Variants in ERC2 observed in about 807,000 individuals in gnomAD.
The protein encoded by ERC2 is ERC protein 2.
ERC2 carries 42 observed loss-of-function variants against 114.8 expected under a neutral mutation model. That is an observed-to-expected ratio of 0.37 (90% CI 0.29 to 0.47). ERC2 has a LOEUF of 0.47. ERC2 is among the 20% of genes least tolerant of loss of function. ERC2 has a pLI of 0.99. For synonymous variants in ERC2, 454 were observed against 425.5 expected (o/e 1.07, Z -0.82); for missense variants, 939 against 1,150.7 (o/e 0.82, Z 2.66).
chr3:56,126,035 A>G (rs1168754256), intron 6 of ERC2, among the ~76,000 whole-genome samples: 1 of 152,204 alleles, frequency 6.6e-6, no homozygotes, highest in African/African-American at 2.4e-5. Flanking sequence ...ACAAGTATCC[A>G]CTTAGGGCTA....
At chr3:55,696,884 T>TA (rs1285759535) in intron 16 of ERC2, among the ~76,000 whole-genome samples, 1 of 152,124 alleles carries the variant, frequency 6.6e-6, no homozygotes, top group Non-Finnish European at 1.5e-5. Flanking sequence ...CTTCTCTAAT[T>TA]AAAAAAGTCT....
At chr3:56,433,415 G>A (rs775651013) in intron 2 of ERC2, among the ~76,000 whole-genome samples, 1 of 152,242 alleles carries the variant, frequency 6.6e-6, no homozygotes, top group Non-Finnish European at 1.5e-5. Flanking sequence ...GGAAAAGCAG[G>A]TGCTGAGAAG....
intron 17 of ERC2, among the ~76,000 whole-genome samples, chr3:55,557,365 G>A (rs891038063): frequency 1.3e-5 from 2 of 152,190 alleles, no homozygotes; most frequent in African/African-American, 4.8e-5. Context: ...GCAGGGTCCT[G>A]GCCAGGGCCC....
At chr3:56,149,196 A>G in intron 4 of ERC2, 64 bp from the exon 5 acceptor site, 1 of 1,453,902 alleles carries the variant, frequency 6.9e-7, no homozygotes, top group Non-Finnish European at 9.3e-7. Context: ...AGATCATCAA[A>G]ACAGAATTTA....
chr3:56,006,200 A>G (rs895283361), intron 10 of ERC2, among the ~76,000 whole-genome samples: 1 of 152,076 alleles, frequency 6.6e-6, no homozygotes, highest in Non-Finnish European at 1.5e-5. Flanking sequence ...AATACCATAT[A>G]GTAACATTTC....
At chr3:56,273,183 G>A (rs1433124196) in intron 3 of ERC2, among the ~76,000 whole-genome samples, 3 of 151,996 alleles carry the variant, frequency 2.0e-5, no homozygotes, top group Admixed American at 6.6e-5. Context: ...TGGGAAGTAC[G>A]GCAGCATGAA....
intron 3 of ERC2, among the ~76,000 whole-genome samples, chr3:56,269,869 G>A (rs2053545972): frequency 6.6e-6 from 1 of 152,162 alleles, no homozygotes; most frequent in Non-Finnish European, 1.5e-5. Context: ...GACACTTAAA[G>A]GGTGAGGCTC....
At chr3:56,366,138 G>GT (rs1260538249) in intron 2 of ERC2, among the ~76,000 whole-genome samples, 2 of 152,156 alleles carry the variant, frequency 1.3e-5, no homozygotes, top group African/African-American at 4.8e-5. Flanking sequence ...AACCAATCAT[G>GT]TAAGATACTC....
chr3:55,878,341 T>TTG (rs1181716560), intron 14 of ERC2, among the ~76,000 whole-genome samples: 4 of 152,186 alleles, frequency 2.6e-5, no homozygotes. Flanking sequence ...TTATTTTGTT[T>TTG]TAAGATAAGG....
chr3:55,548,019 T>C (rs1052212742), intron 17 of ERC2, among the ~76,000 whole-genome samples: 2 of 152,216 alleles, frequency 1.3e-5, no homozygotes, highest in East Asian at 3.9e-4. Flanking sequence ...GAGTTGAAGA[T>C]GCCTGATGAG....
At chr3:55,940,437 G>A (rs1267352105) in intron 13 of ERC2, among the ~76,000 whole-genome samples, 1 of 151,980 alleles carries the variant, frequency 6.6e-6, no homozygotes, top group African/African-American at 2.4e-5. Flanking sequence ...CCTTCCAGAA[G>A]CTTCTGTTCT....
At chr3:56,087,979 C>G (rs1413744382) in intron 6 of ERC2, among the ~76,000 whole-genome samples, 1 of 152,114 alleles carries the variant, frequency 6.6e-6, no homozygotes, top group Admixed American at 6.6e-5. Flanking sequence ...CACTCACATC[C>G]AACTCTCCTT....
chr3:55,570,837 T>C (rs1446519803), intron 17 of ERC2, among the ~76,000 whole-genome samples: 1 of 152,018 alleles, frequency 6.6e-6, no homozygotes, highest in Non-Finnish European at 1.5e-5. Context: ...GCATTAATAA[T>C]GAGAAGTGGG....
At chr3:55,909,983 T>G (rs968003013) in intron 13 of ERC2, among the ~76,000 whole-genome samples, 1 of 152,244 alleles carries the variant, frequency 6.6e-6, no homozygotes, top group Non-Finnish European at 1.5e-5. Context: ...ACAAAAAGCC[T>G]TCCCTCTCTC....
chr3:56,314,820 A>G (rs2056787287), intron 2 of ERC2, among the ~76,000 whole-genome samples: 5 of 152,206 alleles, frequency 3.3e-5, no homozygotes. Context: ...GTCTGAAGTC[A>G]CAACAGAAAT....
chr3:55,770,361 A>G (rs1377319762), intron 14 of ERC2, among the ~76,000 whole-genome samples: 1 of 152,200 alleles, frequency 6.6e-6, no homozygotes, highest in African/African-American at 2.4e-5. Flanking sequence ...GGAATTTTAA[A>G]AATTTATTTT....
intron 3 of ERC2, among the ~76,000 whole-genome samples, chr3:56,285,016 CACACACACACACACAT>C (rs2054590962): frequency 2.9e-5 from 2 of 69,944 alleles, no homozygotes; most frequent in South Asian, 4.9e-4. Flanking sequence ...CTCTCTCACA[CACACACACACACACAT>C]ACACACACAC....
At chr3:56,386,384 T>A (rs2059934975) in intron 2 of ERC2, among the ~76,000 whole-genome samples, 1 of 152,204 alleles carries the variant, frequency 6.6e-6, no homozygotes, top group African/African-American at 2.4e-5. Context: ...CAGTTCTGAT[T>A]ACACTTTTCT....
chr3:55,694,353 C>T (rs1351495434), intron 16 of ERC2, among the ~76,000 whole-genome samples: 7 of 152,176 alleles, frequency 4.6e-5, no homozygotes, highest in Admixed American at 4.6e-4. Flanking sequence ...CAGACATTTA[C>T]AGAGTACCTC....
Sources: gnomAD v4.1 joint callset for allele counts (sites outside exome capture counted in the v4.1 genomes callset) on GRCh38, gnomAD v4.1.1 for gene constraint, MANE v1.5 for transcripts, NCBI Gene and HGNC (gene_info 2026-07-23, HGNC 2026-07-21) for gene names.